The following ACSM1 variants were observed in gnomAD, a reference collection of about 807,000 sequenced individuals.
ACSM1 encodes acyl-CoA synthetase medium chain family member 1.
ACSM1 carries 79 observed loss-of-function variants against 75.8 expected under a neutral mutation model. The ratio of observed to expected loss-of-function variants is 1.04; its 90% CI spans 0.87 to 1.26. The LOEUF is 1.26. ACSM1 is among the 50% of genes most tolerant of loss of function. ACSM1 has a pLI of 0.00. For synonymous variants in ACSM1, 279 were observed against 265.8 expected, an observed-to-expected ratio of 1.05 and a Z score of -0.48; for missense variants, 676 against 720.1, an observed-to-expected ratio of 0.94 and a Z score of 0.70.
At chr16:20,671,820 C>CATCAAGTCAGTG in intron 4 of ACSM1, 149 bp from the exon 5 acceptor site, 1 of 779,244 alleles carries the variant, frequency 1.3e-6, no homozygotes, top group East Asian at 2.9e-5. Flanking sequence ...AGGCATCACA[C>CATCAAGTCAGTG]TGACTTGATG....
chr16:20,678,658 T>C (rs2079367685), intron 4 of ACSM1, among the ~76,000 whole-genome samples: 1 of 152,240 alleles, frequency 6.6e-6, no homozygotes, highest in Non-Finnish European at 1.5e-5. Context: ...GATCTCACAA[T>C]GGACCAACAT....
chr16:20,660,727 A>G (rs538601026), intron 7 of ACSM1, among the ~76,000 whole-genome samples: 119 of 152,330 alleles, frequency 7.8e-4, no homozygotes, highest in African/African-American at 2.7e-3. Flanking sequence ...TTTTATGTCT[A>G]AAACATATTA....
chr16:20,641,758 G>T (rs2018076448), intron 7 of ACSM1, among the ~76,000 whole-genome samples: 1 of 152,194 alleles, frequency 6.6e-6, no homozygotes, highest in Non-Finnish European at 1.5e-5. Flanking sequence ...TGTTGGGCCT[G>T]ATCAGCCCAA....
Position 20,691,994 on chromosome 16 carries a change from T to C in ACSM1, c.-51-755A>G, listed in dbSNP as rs1036266979. On this transcript the variant is annotated intron_variant, in intron 1 of 13. Coordinates refer to ENST00000520010, the MANE Select transcript of ACSM1 (RefSeq NM_001318890.3). ...CAGTCATTCAAGTCCCTGGTTCAAA[T>C]TGTTCCTCTGCATGTCTGCCCCTGT... 2.0e-5 allele frequency among the ~76,000 whole-genome samples: 3 copies of C among 152,124 alleles called. No homozygotes were observed. The South Asian group carries it at 6.2e-4, about 32-fold the overall frequency.
chr16:20,644,614 G>A (rs189314268), intron 7 of ACSM1, among the ~76,000 whole-genome samples: 526 of 151,666 alleles, frequency 3.5e-3, no homozygotes, highest in Non-Finnish European at 6.1e-3. Flanking sequence ...GGAAACTCTT[G>A]TAGAAGCAGA....
chr16:20,675,019 C>A (rs72778631), intron 4 of ACSM1, among the ~76,000 whole-genome samples: 184 of 152,282 alleles, frequency 1.2e-3, no homozygotes, highest in Non-Finnish European at 2.1e-3. Flanking sequence ...GCCGATACAG[C>A]GGCAAGTGCA....
At chr16:20,684,752 AAGAG>A (rs1943268669) in intron 3 of ACSM1, among the ~76,000 whole-genome samples, 1 of 152,204 alleles carries the variant, frequency 6.6e-6, no homozygotes, top group Admixed American at 6.5e-5. Context: ...AAGGGAGAGA[AAGAG>A]AGAGGGAGAG....
At chr16:20,685,888 G>A (rs2079546532) in intron 2 of ACSM1, among the ~76,000 whole-genome samples, 1 of 150,660 alleles carries the variant, frequency 6.6e-6, no homozygotes, top group African/African-American at 2.4e-5. Flanking sequence ...GGGTGGAGCG[G>A]GACTTCTGGC....
chr16:20,689,638 T>G (rs2079617142), intron 2 of ACSM1, among the ~76,000 whole-genome samples: 2 of 152,214 alleles, frequency 1.3e-5, no homozygotes, highest in Admixed American at 6.5e-5. Context: ...AAAATGCTTA[T>G]AGTTTAATAT....
intron 7 of ACSM1, among the ~76,000 whole-genome samples, chr16:20,640,813 C>A (rs1457842457): frequency 6.6e-6 from 1 of 152,150 alleles, no homozygotes; most frequent in Non-Finnish European, 1.5e-5. Context: ...CTATTGTGTT[C>A]AATTGGGAAT....
At chr16:20,672,448 C>CAAAAAAAAAAA (rs528742963) in intron 4 of ACSM1, among the ~76,000 whole-genome samples, 1 of 21,924 alleles carries the variant, frequency 4.6e-5, no homozygotes, top group African/African-American at 2.6e-4. Flanking sequence ...AACTCCATCT[C>CAAAAAAAAAAA]AAAAAAAAAA....
Position 20,623,539 on chromosome 16 carries a change from T to C in ACSM1, c.1681A>G (p.Thr561Ala). Residue 561 changes from threonine to alanine, a missense_variant, in exon 14 of 14, where the codon ACT (threonine) becomes GCT (alanine). Transcript: ENST00000520010. ...EFVSELPKTI[T>A]GKIERKELRK... is the part of the protein sequence containing the mutation. ...AGTTCCTTCCGTTCAATCTTGCCAG[T>C]GATGGTTTTTGGCAGCTCTGAGACA... 1 of 1,614,146 alleles carries C rather than the reference T, an allele frequency of 6.2e-7. No homozygotes were observed. The highest frequency in any genetic ancestry group is 8.5e-7 in the Non-Finnish European group (1 of 1,180,016).
intron 7 of ACSM1, among the ~76,000 whole-genome samples, chr16:20,656,160 T>A (rs2018946500): frequency 6.6e-6 from 1 of 152,284 alleles, no homozygotes; most frequent in South Asian, 2.1e-4. Context: ...AACAGGCAAG[T>A]GAAGTAACTT....
At chr16:20,654,820 C>A (rs1567275309) in intron 7 of ACSM1, among the ~76,000 whole-genome samples, 1 of 152,152 alleles carries the variant, frequency 6.6e-6, no homozygotes, top group African/African-American at 2.4e-5. Flanking sequence ...TTAGTTCAAT[C>A]ATTGTGGAAG....
At chr16:20,664,979 T>C (rs1192821408) in intron 6 of ACSM1, among the ~76,000 whole-genome samples, 2 of 152,088 alleles carry the variant, frequency 1.3e-5, no homozygotes, top group Admixed American at 6.6e-5. Context: ...ACCAAAATCG[T>C]TGAGATGCAC....
chr16:20,626,365 T>A (rs1335481125), intron 11 of ACSM1, among the ~76,000 whole-genome samples: 3 of 151,064 alleles, frequency 2.0e-5, no homozygotes, highest in African/African-American at 4.9e-5. Context: ...TAAAATAAAA[T>A]AAAAAATAAA....
chr16:20,640,718 GT>G, intron 7 of ACSM1, 134 bp from the exon 8 acceptor site: 1 of 1,439,154 alleles, frequency 6.9e-7, no homozygotes, highest in Admixed American at 2.4e-5. Flanking sequence ...TCATTTTACA[GT>G]TGGCCATGGC....
intron 7 of ACSM1, among the ~76,000 whole-genome samples, chr16:20,650,334 C>A (rs1469645902): frequency 6.6e-6 from 1 of 152,086 alleles, no homozygotes; most frequent in Non-Finnish European, 1.5e-5. Flanking sequence ...AGAGAAAGGT[C>A]ATTTGCTTCT....
At chr16:20,689,422 A>G (rs1385086875) in intron 2 of ACSM1, among the ~76,000 whole-genome samples, 1 of 152,116 alleles carries the variant, frequency 6.6e-6, no homozygotes, top group African/African-American at 2.4e-5. Context: ...CATCAAGAAA[A>G]CAATTACCAA....
Sources: gnomAD v4.1 joint callset for allele counts (sites outside exome capture counted in the v4.1 genomes callset) on GRCh38, gnomAD v4.1.1 for gene constraint, MANE v1.5 for transcripts, NCBI Gene and HGNC (gene_info 2026-07-23, HGNC 2026-07-21) for gene names.